Variants in CACNA1I observed in about 807,000 individuals in gnomAD.
CACNA1I encodes voltage-dependent T-type calcium channel subunit alpha-1I.
A neutral mutation model predicts 201.6 loss-of-function variants in CACNA1I; 74 were observed. That is an observed-to-expected ratio of 0.37 (90% confidence interval 0.30 to 0.45). The LOEUF (loss-of-function observed/expected upper bound fraction) is 0.45. CACNA1I is among the 20% of genes least tolerant of loss of function. The pLI, the probability that CACNA1I is intolerant of heterozygous loss-of-function variation, is 1.00. For synonymous variants in CACNA1I, 1,431 were observed against 1,345.2 expected (o/e 1.06, Z -1.40); for missense variants, 2,346 against 3,138.1 (o/e 0.75, Z 6.03).
At chr22:39,671,693 G>T (rs750196798) in intron 26 of CACNA1I, among the ~76,000 whole-genome samples, 2 of 152,060 alleles carry the variant, frequency 1.3e-5, no homozygotes, top group Non-Finnish European at 2.9e-5. Context: ...TATTATGAAT[G>T]CAGAAAAAAG....
At chr22:39,682,387 C>T (rs1935731080) in intron 34 of CACNA1I, 109 bp from the exon 35 acceptor site, 6 of 876,256 alleles carry the variant, frequency 6.8e-6, no homozygotes, top group Non-Finnish European at 1.1e-5. Flanking sequence ...TCAGACTAGA[C>T]ATGAGGGTAG....
At chr22:39,571,222 G>A (rs1932172827) in intron 1 of CACNA1I, 6 of 576,488 alleles carry the variant, frequency 1.0e-5, no homozygotes, top group Non-Finnish European at 1.9e-5. Context: ...GGTGGCTGTG[G>A]GGTCAGTCCA....
intron 1 of CACNA1I, among the ~76,000 whole-genome samples, chr22:39,596,451 T>G (rs1932895899): frequency 4.2e-5 from 1 of 24,008 alleles, no homozygotes; most frequent in African/African-American, 1.9e-4. Flanking sequence ...CGGAGGGAGA[T>G]CGGGGGGCAG....
chr22:39,659,784 A>G lies in CACNA1I; in HGVS notation c.2536A>G (p.Met846Val), dbSNP rs1355714221. 1 of 1,613,910 alleles carries G rather than the reference A, an allele frequency of 6.2e-7. No individual in the cohort carries two copies. ...GGCCTCCCTCTACTTTGTCGCCCTCATGACCTTCGGCAACTATGTGCTCTT... is the reference window on the plus strand; with the variant it reads ...GGCCTCCCTCTACTTTGTCGCCCTCGTGACCTTCGGCAACTATGTGCTCTT... ...PWASLYFVAL[M>V]TFGNYVLFNL... Residue 846 changes from methionine (M) to valine (V), a missense_variant, in exon 14 of 37, where the codon ATG becomes GTG. Physicochemically the swap from Met to Val is conservative, Grantham distance 21 (BLOSUM62 1). Around this residue, in one of 13 missense-constraint regions of CACNA1I, gnomAD observed 155 missense variants for 300.8 expected, o/e 0.52. Coordinates refer to ENST00000402142, the MANE Select transcript of CACNA1I (RefSeq NM_021096.4). The surrounding 1 kb of genome is among the most constrained non-coding windows in gnomAD (Gnocchi z 4.3).
At chr22:39,607,209 T>C (rs1244954080) in intron 3 of CACNA1I, among the ~76,000 whole-genome samples, 1 of 152,198 alleles carries the variant, frequency 6.6e-6, no homozygotes, top group Non-Finnish European at 1.5e-5. Context: ...TCTGAAAGAC[T>C]TCGCAAGCTT....
chr22:39,679,391 C>T lies in CACNA1I; in HGVS notation c.5340C>T (p.Gly1780=), dbSNP rs930862683. Residue 1780 remains glycine, a synonymous_variant, in exon 32 of 37, where the codon GGC becomes GGT. Coordinates refer to ENST00000402142, the MANE Select transcript of CACNA1I (RefSeq NM_021096.4). The stretch of plus-strand genomic sequence containing the variant: ...CTGGCCGAGGGCCGGGAGGGGCGGG[C>T]GGCGGGGGCGACACCGAGGGCGGCT... ...GAPGRGPGGA[G]GGGDTEGGLC... 11 of 1,487,144 alleles carry T rather than the reference C, an allele frequency of 7.4e-6. No homozygotes were observed. Among genetic ancestry groups the T allele is most frequent in the East Asian group, 2.6e-5 (1 of 38,588 alleles). The allele number at this position is 1,487,144 out of a possible 1,614,324, so 92.1% of individuals were successfully genotyped here. A position where few individuals can be genotyped will look rare whatever the true frequency, so the allele number is the denominator to read the frequency against.
rs375222702 is a variant in CACNA1I at position 39,649,895 on chromosome 22, C to T, written c.1962C>T (p.Thr654=). The T allele has an allele frequency of 8.7e-6, 14 of 1,613,234 alleles. No individual in the cohort carries two copies. Among genetic ancestry groups the T allele is most frequent in the Middle Eastern group, 1.6e-4 (1 of 6,084 alleles). Residue 654 remains threonine (T), a synonymous_variant, in exon 10 of 37, where the codon ACC becomes ACT. Coordinates refer to ENST00000402142, the MANE Select transcript of CACNA1I (RefSeq NM_021096.4). The surrounding 1 kb of genome is among the most constrained non-coding windows in gnomAD (Gnocchi z 7.3). ...TCATGATGGCCATCCTGGTCAACAC[C>T]GTCAGCATGGGCATCGAGCACCACG... ...RGIMMAILVN[T]VSMGIEHHEQ...
At chr22:39,657,252 C>G (rs186472750) in intron 10 of CACNA1I, among the ~76,000 whole-genome samples, 1 of 152,298 alleles carries the variant, frequency 6.6e-6, no homozygotes, top group Admixed American at 6.5e-5. Flanking sequence ...GGGTAAACAG[C>G]TCTGGGAGCA....
At position 39,656,263 on chromosome 22, in the gene CACNA1I, C is replaced by T. The variant is rs1292610617; in HGVS notation, c.1993-1889C>T. Among the ~76,000 whole-genome samples the T allele has an allele frequency of 5.9e-5, 9 of 152,014 alleles. 1 individual carries two copies. The highest frequency in any genetic ancestry group is 2.1e-4 in the South Asian group (1 of 4,820). On this transcript the variant is annotated intron_variant, in intron 10 of 36. Coordinates refer to ENST00000402142, the MANE Select transcript of CACNA1I (RefSeq NM_021096.4). ...ATCCTCCTTTTAACCCACATGGAGTCGGAGTCAGGTCCTTGCGGCTCCCCG... is the reference window on the plus strand; with the variant it reads ...ATCCTCCTTTTAACCCACATGGAGTTGGAGTCAGGTCCTTGCGGCTCCCCG...
intron 11 of CACNA1I, 38 bp downstream of exon 11, chr22:39,658,341 C>T (rs753025160): frequency 2.0e-5 from 32 of 1,598,428 alleles, no homozygotes; most frequent in Middle Eastern, 1.7e-4. Flanking sequence ...CAGAGTGCCT[C>T]GGGGGGACAT....
At chr22:39,655,185 C>T (rs1376818432) in intron 10 of CACNA1I, among the ~76,000 whole-genome samples, 4 of 152,164 alleles carry the variant, frequency 2.6e-5, no homozygotes, top group Admixed American at 2.0e-4. Flanking sequence ...GTGCTCAGCA[C>T]ACCCGGCCCA....
At chr22:39,621,813 C>T (rs901754626) in intron 4 of CACNA1I, among the ~76,000 whole-genome samples, 1 of 151,980 alleles carries the variant, frequency 6.6e-6, no homozygotes, top group Admixed American at 6.6e-5. Flanking sequence ...TGGCCCCTTC[C>T]CACTGCCCTA....
chr22:39,685,192 G>A lies in CACNA1I; in HGVS notation c.6028-569G>A, dbSNP rs1397448656. On this transcript the variant is annotated intron_variant, in intron 36 of 36. Transcript: ENST00000402142. This position sits in a 1 kb window ranked among gnomAD's most constrained non-coding sequence, Gnocchi z 5.0. ...GAGAGTGAGCTGCCTGGGTGCAGGA[G>A]GGATGATAACCAAAATAAATGTCTG... is the stretch of plus-strand genomic sequence containing the variant. 6.4e-6 allele frequency: 1 copy of A among 157,078 alleles called. No individual in the cohort carries two copies. The highest frequency in any genetic ancestry group is 2.4e-5 in the African/African-American group (1 of 41,590). The allele number at this position is 157,078 out of a possible 1,614,324, so 9.7% of individuals were successfully genotyped here. A position where few individuals can be genotyped will look rare whatever the true frequency, so the allele number is the denominator to read the frequency against.
At chr22:39,608,021 A>G (rs528664800) in intron 3 of CACNA1I, among the ~76,000 whole-genome samples, 1 of 150,744 alleles carries the variant, frequency 6.6e-6, no homozygotes, top group Non-Finnish European at 1.5e-5. Flanking sequence ...AGGCTGAGGC[A>G]GGAGAACTGC....
rs1278544671 is a variant in CACNA1I, at chr22:39,680,995, T to A, written c.5607T>A (p.Gly1869=). 4 of 1,611,610 alleles carry A rather than the reference T, an allele frequency of 2.5e-6. No individual in the cohort carries two copies. The highest frequency in any genetic ancestry group is 3.4e-6 in the Non-Finnish European group (4 of 1,179,458). Residue 1869 remains glycine (G), a synonymous_variant, in exon 34 of 37, where the codon GGT becomes GGA. Transcript: ENST00000402142. ...ACAGGTCCTCGTCCATCCTGCTGGG[T>A]GACGACCTGAGTCTCGAGGACCCCA... ...NSDRSSSILL[G]DDLSLEDPTA...
chr22:39,647,235 C>G (rs185732300), intron 8 of CACNA1I, among the ~76,000 whole-genome samples: 4 of 152,228 alleles, frequency 2.6e-5, no homozygotes, highest in East Asian at 1.9e-4. Flanking sequence ...TCTTCCCCCC[C>G]ACTGCAGCCA....
intron 27 of CACNA1I, among the ~76,000 whole-genome samples, 159 bp downstream of exon 27, chr22:39,672,467 C>A (rs1935402224): frequency 6.6e-6 from 1 of 152,174 alleles, no homozygotes; most frequent in Admixed American, 6.5e-5. Context: ...TAGCTCTGAA[C>A]AGGAAATAAT....
At chr22:39,678,931 G>A (rs1212809193) in intron 31 of CACNA1I, among the ~76,000 whole-genome samples, 176 bp from the exon 32 acceptor site, 1 of 152,202 alleles carries the variant, frequency 6.6e-6, no homozygotes, top group Non-Finnish European at 1.5e-5. Context: ...GGACTTAGCT[G>A]AAGCTGAGGC....
chr22:39,648,467 G>A lies in CACNA1I; in HGVS notation c.1567+541G>A, dbSNP rs995297555. ...CCCTGGAAAACGAGAGTTGGCTGTCGCCCCACGTCCAGGTGGGAGCAGTGA... is the reference window on the plus strand; with the variant it reads ...CCCTGGAAAACGAGAGTTGGCTGTCACCCCACGTCCAGGTGGGAGCAGTGA... On this transcript the variant is annotated intron_variant, in intron 9 of 36. Transcript: ENST00000402142. This position sits in a 1 kb window ranked among gnomAD's most constrained non-coding sequence, Gnocchi z 5.4. Among the ~76,000 whole-genome samples the A allele has an allele frequency of 6.6e-6, 1 of 152,000 alleles. No individual in the cohort carries two copies.
Sources: gnomAD v4.1 joint callset for allele counts (sites outside exome capture counted in the v4.1 genomes callset) on GRCh38, gnomAD v4.1.1 for gene constraint, gnomAD v4.1.1 regional missense constraint, Gnocchi (gnomAD v3.1) non-coding constraint, MANE v1.5 for transcripts, NCBI Gene and HGNC (gene_info 2026-07-23, HGNC 2026-07-21) for gene names.